SP110: variants seen among roughly 807,000 people sequenced by gnomAD.
SP110 encodes interferon-induced protein 41, 30kD.
SP110 carries 62 observed loss-of-function variants against 92.7 expected under a neutral mutation model. That is an observed-to-expected ratio of 0.67 (90% CI 0.55 to 0.83). SP110 has a LOEUF of 0.83. Ranked by LOEUF, SP110 falls within the 40% of genes least tolerant of loss-of-function variation. The pLI is 0.00. For synonymous variants in SP110, 273 were observed against 305.3 expected (o/e 0.89, Z 1.10); for missense variants, 793 against 863.9 (o/e 0.92, Z 1.03).
chr2:230,216,016 G>C (rs1008133601), intron 2 of SP110, among the ~76,000 whole-genome samples: 5 of 152,088 alleles, frequency 3.3e-5, no homozygotes, highest in African/African-American at 1.2e-4. Context: ...TTGAGTCTAG[G>C]GCTCAATTAA....
chr2:230,168,873 A>G lies in SP110; in HGVS notation c.*251T>C. The G allele has an allele frequency of 2.5e-6, 1 of 401,000 alleles. No individual in the cohort carries two copies. Among genetic ancestry groups the G allele is most frequent in the East Asian group, 4.8e-5 (1 of 20,624 alleles). 24.8% of individuals were successfully genotyped at this position (401,000 alleles called of 1,614,324 possible). ...AAAGACTTATGAGACAGTGGGGAGAATGTGAACTATGATGGGGTATCTGAT... is the reference window on the plus strand; with the variant it reads ...AAAGACTTATGAGACAGTGGGGAGAGTGTGAACTATGATGGGGTATCTGAT... On this transcript the variant is annotated 3_prime_UTR_variant, in exon 19 of 19. Transcript: ENST00000258381.
At chr2:230,171,264 G>A (rs1484977965) in intron 17 of SP110, among the ~76,000 whole-genome samples, 3 of 152,168 alleles carry the variant, frequency 2.0e-5, no homozygotes, top group African/African-American at 4.8e-5. Flanking sequence ...GGCTAATTTT[G>A]TATTTTTAGT....
At chr2:230,193,074 T>C (rs2042707956) in intron 10 of SP110, among the ~76,000 whole-genome samples, 1 of 152,254 alleles carries the variant, frequency 6.6e-6, no homozygotes, top group South Asian at 2.1e-4. Context: ...AATATCTTCC[T>C]GTTAGATTGA....
In SP110 at chr2:230,166,298, C is replaced by T. The variant is rs1425964133; in HGVS notation, c.*2826G>A. 2.0e-5 allele frequency among the ~76,000 whole-genome samples: 3 copies of T among 152,190 alleles called. No individual in the cohort carries two copies. Among genetic ancestry groups the T allele is most frequent in the African/African-American group, 7.2e-5 (3 of 41,446 alleles). On this transcript the variant is annotated 3_prime_UTR_variant, in exon 19 of 19. Coordinates refer to ENST00000258381, the MANE Select transcript of SP110 (RefSeq NM_080424.4). ...ACAGAATATCTTCATAGCCTGAAAA[C>T]CGTAAAGAAAGCAGATAATGTGGTT...
At chr2:230,177,754 G>C (rs2041931990) in intron 13 of SP110, 74 bp from the exon 14 acceptor site, 1 of 1,525,634 alleles carries the variant, frequency 6.6e-7, no homozygotes, top group Admixed American at 1.7e-5. Context: ...CATCCTAATT[G>C]TGGCCTTCTA....
At chr2:230,207,878 C>T in intron 8 of SP110, 113 bp downstream of exon 8, 1 of 690,012 alleles carries the variant, frequency 1.4e-6, no homozygotes, top group Admixed American at 2.4e-5. Context: ...GACTAAATCT[C>T]TTCAATGGCT....
intron 3 of SP110, among the ~76,000 whole-genome samples, chr2:230,214,525 T>C (rs1306608708): frequency 6.6e-6 from 1 of 152,208 alleles, no homozygotes; most frequent in Non-Finnish European, 1.5e-5. Context: ...TGATGTGAGA[T>C]AATCAAATAA....
chr2:230,180,550 C>T lies in SP110; in HGVS notation c.1349-2295G>A, dbSNP rs181722868. 1.9e-3 allele frequency among the ~76,000 whole-genome samples: 282 copies of T among 152,220 alleles called. 1 individual carries two copies. The highest frequency in any genetic ancestry group is 6.2e-3 in the African/African-American group (257 of 41,524). Reference sequence around the variant, plus strand: ...GTAAGAAAGAGAAGGCAATGACTGTCCTCATTTTATAGATGAGGGACTTGG... The same window carrying T: ...GTAAGAAAGAGAAGGCAATGACTGTTCTCATTTTATAGATGAGGGACTTGG... On this transcript the variant is annotated intron_variant, in intron 12 of 18. Transcript: ENST00000258381.
At chr2:230,169,809 T>A (rs955073311) in intron 18 of SP110, among the ~76,000 whole-genome samples, 5 of 152,220 alleles carry the variant, frequency 3.3e-5, no homozygotes, top group Admixed American at 6.5e-5. Context: ...ACAATTTTTG[T>A]AAATGCATTT....
In SP110 at chr2:230,165,707, T is replaced by C. The variant is rs1488974218; in HGVS notation, c.*3417A>G. Among the ~76,000 whole-genome samples the C allele has an allele frequency of 6.6e-6, 1 of 152,066 alleles. No individual in the cohort carries two copies. The highest frequency in any genetic ancestry group is 2.4e-5 in the African/African-American group (1 of 41,392). On this transcript the variant is annotated 3_prime_UTR_variant, in exon 19 of 19. Transcript: ENST00000258381. Reference sequence around the variant, plus strand: ...TATGTGACACATTACAGATATTTTATTTTTGACTTTGACATTAAAAAAATA... The same window carrying C: ...TATGTGACACATTACAGATATTTTACTTTTGACTTTGACATTAAAAAAATA...
At chr2:230,194,001 G>C (rs187811893) in intron 10 of SP110, among the ~76,000 whole-genome samples, 3 of 152,292 alleles carry the variant, frequency 2.0e-5, no homozygotes, top group East Asian at 1.9e-4. Flanking sequence ...AAATGACAGA[G>C]AGTATGTTTC....
chr2:230,178,401 C>A, intron 12 of SP110, 146 bp from the exon 13 acceptor site: 1 of 652,684 alleles, frequency 1.5e-6, no homozygotes, highest in Non-Finnish European at 2.8e-6. Context: ...TCTCGAGTGA[C>A]AGATAAGCTA....
At chr2:230,181,562 G>A (rs935019101) in intron 12 of SP110, among the ~76,000 whole-genome samples, 6 of 152,100 alleles carry the variant, frequency 3.9e-5, no homozygotes, top group African/African-American at 9.7e-5. Context: ...GAGGGCAAAG[G>A]TCTAATATCC....
intron 17 of SP110, chr2:230,171,459 C>G (rs895499068): frequency 8.9e-6 from 5 of 560,958 alleles, no homozygotes; most frequent in Non-Finnish European, 1.3e-5. Context: ...AACAGATACA[C>G]AGGAGGAGAA....
rs555110405 is a variant in SP110 at position 230,196,332 on chromosome 2, C to T, written c.1129+4553G>A. 4.9e-4 allele frequency among the ~76,000 whole-genome samples: 74 copies of T among 151,844 alleles called. 1 individual carries two copies. Among genetic ancestry groups the T allele is most frequent in the African/African-American group, 1.6e-3 (67 of 41,438 alleles). ...AGTAGGTGATTATTTAAACAAATTGCGGTGAATCATACGTAACGTGCCATG... is the reference window on the plus strand; with the variant it reads ...AGTAGGTGATTATTTAAACAAATTGTGGTGAATCATACGTAACGTGCCATG... On this transcript the variant is annotated intron_variant, in intron 10 of 18. Transcript: ENST00000258381.
upstream of SP110, among the ~76,000 whole-genome samples, chr2:230,224,474 GGA>G (rs1188258159): frequency 2.7e-5 from 4 of 147,744 alleles, no homozygotes; most frequent in African/African-American, 9.9e-5. Flanking sequence ...GGAGAGGGAG[GGA>G]GAGAGAGGGA....
intron 6 of SP110, among the ~76,000 whole-genome samples, chr2:230,210,743 C>T (rs1451457021): frequency 6.6e-6 from 1 of 152,194 alleles, no homozygotes; most frequent in Non-Finnish European, 1.5e-5. Flanking sequence ...TTTTTCTTTA[C>T]ACACTGCATT....
chr2:230,218,244 C>T (rs1006734066), intron 1 of SP110, among the ~76,000 whole-genome samples: 2 of 152,148 alleles, frequency 1.3e-5, no homozygotes, highest in Non-Finnish European at 2.9e-5. Flanking sequence ...AAAAGTAAAT[C>T]GTAATTAACA....
At chr2:230,215,188 T>C (rs2044968288) in intron 2 of SP110, 70 bp from the exon 3 acceptor site, 1 of 1,294,082 alleles carries the variant, frequency 7.7e-7, no homozygotes. Context: ...ATTTATGGTT[T>C]TCTAAGTTTT....
Sources: allele counts gnomAD v4.1 joint callset (sites outside exome capture counted in the v4.1 genomes callset), GRCh38; gene constraint gnomAD v4.1.1; transcripts MANE v1.5; gene names NCBI Gene and HGNC (gene_info 2026-07-23, HGNC 2026-07-21).